Variants in PCCA observed in about 807,000 individuals in gnomAD.
PCCA encodes propionyl-CoA carboxylase subunit alpha, also known as propionyl-CoA carboxylase alpha chain, mitochondrial.
A neutral mutation model predicts 101.3 loss-of-function variants in PCCA; 74 were observed. That is an observed-to-expected ratio of 0.73 (90% CI 0.61 to 0.89). The LOEUF (loss-of-function observed/expected upper bound fraction) is 0.89. Ranked by LOEUF, PCCA falls within the 40% of genes least tolerant of loss-of-function variation. The pLI, the probability that PCCA is intolerant of heterozygous loss-of-function variation, is 0.00. For synonymous variants in PCCA, 294 were observed against 313.6 expected (o/e 0.94, Z 0.66); for missense variants, 891 against 907.0 (o/e 0.98, Z 0.23).
In PCCA at chr13:100,449,290, G is replaced by C. The variant is rs552141237; in HGVS notation, c.1884G>C (p.Gln628His). Reference protein sequence around the residue: ...SREAGGNMSIQFLGTVYKVNI... With the variant: ...SREAGGNMSIHFLGTVYKVNI... ...AAGCAGGTGGAAACATGAGCATTCAGTTTCTTGGTACAGTGGTAAGTATGA... is the reference window on the plus strand; with the variant it reads ...AAGCAGGTGGAAACATGAGCATTCACTTTCTTGGTACAGTGGTAAGTATGA... Residue 628 changes from glutamine to histidine, a missense_variant, in exon 21 of 24, where the codon CAG becomes CAC. Gln to His is a conservative substitution (Grantham distance 24). Coordinates refer to ENST00000376285, the MANE Select transcript of PCCA (RefSeq NM_000282.4). 1 of 1,536,690 alleles carries C rather than the reference G, an allele frequency of 6.5e-7. No individual in the cohort carries two copies. The highest frequency in any genetic ancestry group is 8.8e-7 in the Non-Finnish European group (1 of 1,133,934).
At chr13:100,489,740 G>C (rs2084743415) in intron 21 of PCCA, among the ~76,000 whole-genome samples, 1 of 151,504 alleles carries the variant, frequency 6.6e-6, no homozygotes, top group Admixed American at 6.6e-5. Flanking sequence ...TGCAGTAGGG[G>C]TAACGTTTAT....
At chr13:100,307,494 A>C (rs774362552) in intron 15 of PCCA, among the ~76,000 whole-genome samples, 1 of 152,204 alleles carries the variant, frequency 6.6e-6, no homozygotes, top group African/African-American at 2.4e-5. Flanking sequence ...ACACACATGC[A>C]TGAACAATAA....
At chr13:100,428,324 A>ACCC (rs58580719) in intron 20 of PCCA, among the ~76,000 whole-genome samples, 1 of 44,884 alleles carries the variant, frequency 2.2e-5, no homozygotes, top group Non-Finnish European at 5.0e-5. Context: ...CTCCTCCCCG[A>ACCC]CCCCCCCTAC....
intron 4 of PCCA, among the ~76,000 whole-genome samples, chr13:100,115,762 C>G (rs2048737627): frequency 6.6e-6 from 1 of 152,166 alleles, no homozygotes; most frequent in East Asian, 1.9e-4. Flanking sequence ...TGTACCTTCC[C>G]TGAAGCAGAT....
intron 19 of PCCA, among the ~76,000 whole-genome samples, chr13:100,424,066 G>T (rs1357215631): frequency 1.3e-5 from 2 of 152,180 alleles, no homozygotes; most frequent in Non-Finnish European, 2.9e-5. Flanking sequence ...GGGAGGAAAA[G>T]ATTTGGATCT....
chr13:100,445,204 A>G lies in PCCA; in HGVS notation c.1846-4048A>G, dbSNP rs556570693. ...GAACTCGCCCTCAAAGAGGGCATTA[A>G]TCTATTCATGAGGGATCCTTCCCAA... is the stretch of plus-strand genomic sequence containing the variant. On this transcript the variant is annotated intron_variant, in intron 20 of 23. Coordinates refer to ENST00000376285, the MANE Select transcript of PCCA (RefSeq NM_000282.4). 2.6e-5 allele frequency among the ~76,000 whole-genome samples: 4 copies of G among 152,256 alleles called. No homozygotes were observed. The East Asian group carries it at 7.7e-4, about 29-fold the overall frequency.
At chr13:100,519,250 T>C (rs1377468368) in intron 22 of PCCA, among the ~76,000 whole-genome samples, 1 of 152,274 alleles carries the variant, frequency 6.6e-6, no homozygotes, top group African/African-American at 2.4e-5. Flanking sequence ...ATTTCTTTCT[T>C]TCTTAACAAT....
At chr13:100,306,462 A>G (rs958208794) in intron 14 of PCCA, among the ~76,000 whole-genome samples, 1 of 152,200 alleles carries the variant, frequency 6.6e-6, no homozygotes, top group Non-Finnish European at 1.5e-5. Flanking sequence ...AAAGTTTTGC[A>G]TGGCTAACCT....
intron 4 of PCCA, among the ~76,000 whole-genome samples, chr13:100,128,991 A>G (rs952281209): frequency 6.6e-6 from 1 of 151,160 alleles, no homozygotes; most frequent in Admixed American, 6.6e-5. Context: ...CTAGACTCCA[A>G]CTCTGTTTTC....
intron 21 of PCCA, among the ~76,000 whole-genome samples, chr13:100,512,853 G>A (rs556110437): frequency 6.6e-6 from 1 of 152,136 alleles, no homozygotes; most frequent in Non-Finnish European, 1.5e-5. Context: ...AAATGCCCAC[G>A]GTGAAACCGA....
At chr13:100,135,906 G>A (rs2051101916) in intron 4 of PCCA, among the ~76,000 whole-genome samples, 1 of 152,016 alleles carries the variant, frequency 6.6e-6, no homozygotes, top group African/African-American at 2.4e-5. Flanking sequence ...ATGATCATGT[G>A]GGGTTTTTTT....
At chr13:100,431,633 G>A (rs1311251768) in intron 20 of PCCA, among the ~76,000 whole-genome samples, 3 of 152,100 alleles carry the variant, frequency 2.0e-5, no homozygotes, top group African/African-American at 2.4e-5. Flanking sequence ...TTGAGAGGCC[G>A]AGGTGGGTGG....
In PCCA at chr13:100,307,198, G is replaced by A. The variant is rs1464775522; in HGVS notation, c.1291G>A (p.Val431Met). The change falls in exon 15 of 24, where the codon GTG (valine) becomes ATG (methionine). Residue 431 changes from valine (V) to methionine (M), a missense_variant. Transcript: ENST00000376285. ...QEPLHLPGVR[V>M]DSGIQPGSDI... ...TTTTCTTTTTTTCTCCCAGGTCCGA[G>A]TGGACAGTGGCATCCAACCAGGAAG... 4 of 1,609,220 alleles carry A rather than the reference G, an allele frequency of 2.5e-6. No homozygotes were observed. Among genetic ancestry groups the A allele is most frequent in the Non-Finnish European group, 2.5e-6 (3 of 1,176,640 alleles).
At chr13:100,515,376 G>A (rs1344329221) in intron 21 of PCCA, 51 bp from the exon 22 acceptor site, 1 of 1,565,750 alleles carries the variant, frequency 6.4e-7, no homozygotes, top group South Asian at 1.1e-5. Flanking sequence ...CTACTTTTGA[G>A]GAAAATTTCA....
At chr13:100,302,036 A>G (rs2066100903) in intron 13 of PCCA, among the ~76,000 whole-genome samples, 1 of 152,210 alleles carries the variant, frequency 6.6e-6, no homozygotes, top group Non-Finnish European at 1.5e-5. Flanking sequence ...AATTTTTCCC[A>G]ACCTTTTTTT....
intron 18 of PCCA, among the ~76,000 whole-genome samples, chr13:100,359,525 A>G (rs2074334180): frequency 6.6e-6 from 1 of 152,230 alleles, no homozygotes; most frequent in Admixed American, 6.5e-5. Context: ...GTTGTATTTG[A>G]ATAAACTAGC....
At chr13:100,181,957 G>A (rs1214057233) in intron 6 of PCCA, among the ~76,000 whole-genome samples, 5 of 142,348 alleles carry the variant, frequency 3.5e-5, no homozygotes, top group African/African-American at 1.0e-4. Flanking sequence ...GTAGAGATGG[G>A]GTCTCGCCAT....
intron 10 of PCCA, 63 bp from the exon 11 acceptor site, chr13:100,268,626 A>G (rs2063100132): frequency 8.7e-7 from 1 of 1,151,272 alleles, no homozygotes; most frequent in Admixed American, 1.7e-5. Context: ...TGCGGAAAAT[A>G]TTAACCATCA....
Position 100,205,019 on chromosome 13 carries a change from T to G in PCCA, c.469-4313T>G, listed in dbSNP as rs1357410895. Among the ~76,000 whole-genome samples the G allele has an allele frequency of 3.9e-5, 6 of 152,284 alleles. No homozygotes were observed. In the South Asian group the frequency reaches 8.3e-4, roughly 21 times the overall value. On this transcript the variant is annotated intron_variant, in intron 6 of 23. Coordinates refer to ENST00000376285, the MANE Select transcript of PCCA (RefSeq NM_000282.4). Reference sequence around the variant, plus strand: ...CCCACTTTTTGTGATCATAAGACATTTACTTGTATTCAGATATTATATGTA... The same window carrying G: ...CCCACTTTTTGTGATCATAAGACATGTACTTGTATTCAGATATTATATGTA...
Sources: allele counts gnomAD v4.1 joint callset (sites outside exome capture counted in the v4.1 genomes callset), GRCh38; gene constraint gnomAD v4.1.1; transcripts MANE v1.5; gene names NCBI Gene and HGNC (gene_info 2026-07-23, HGNC 2026-07-21).